Variants in DLEU7 observed in about 807,000 individuals in gnomAD.
The protein encoded by DLEU7 is leukemia-associated protein 7.
DLEU7 carries 17 observed loss-of-function variants against 16.0 expected under a neutral mutation model. That is an observed-to-expected ratio of 1.06 (90% confidence interval 0.73 to 1.59). The LOEUF (loss-of-function observed/expected upper bound fraction) is 1.59, where lower values mean the gene tolerates loss of function less well. Among genes scored for constraint, DLEU7 ranks in the 40% most tolerant of loss-of-function variants. The probability of loss-of-function intolerance (pLI) is 0.00; values close to 1 mark genes in which losing one functional copy is unlikely to be tolerated. For synonymous variants in DLEU7, 113 were observed against 139.8 expected (o/e 0.81, Z 1.35); for missense variants, 308 against 314.9 (o/e 0.98, Z 0.17).
At chr13:50,717,656 T>C (rs1315494069) in intron 1 of DLEU7, among the ~76,000 whole-genome samples, 1 of 152,050 alleles carries the variant, frequency 6.6e-6, no homozygotes, top group East Asian at 1.9e-4. Context: ...CAGAACACTT[T>C]ATGAGAAGTT....
intron 1 of DLEU7, among the ~76,000 whole-genome samples, chr13:50,742,664 T>G (rs1335201367): frequency 6.6e-6 from 1 of 152,192 alleles, no homozygotes; most frequent in Non-Finnish European, 1.5e-5. Flanking sequence ...TGGGCGATCA[T>G]CTGGGTCATT....
At chr13:50,834,788 A>T (rs1351061943) in intron 1 of DLEU7, among the ~76,000 whole-genome samples, 1 of 152,192 alleles carries the variant, frequency 6.6e-6, no homozygotes, top group Non-Finnish European at 1.5e-5. Context: ...ACTTGGAACC[A>T]ACCCAAATGC....
At chr13:50,729,639 AATAC>A (rs1290056511) in intron 1 of DLEU7, among the ~76,000 whole-genome samples, 8 of 152,220 alleles carry the variant, frequency 5.3e-5, no homozygotes, top group African/African-American at 1.4e-4. Context: ...ACTAATTTAT[AATAC>A]AGTGTGTAAG....
chr13:50,791,910 T>G (rs1276307834), intron 1 of DLEU7, among the ~76,000 whole-genome samples: 2 of 152,228 alleles, frequency 1.3e-5, no homozygotes, highest in East Asian at 1.9e-4. Flanking sequence ...AACAGCATTT[T>G]TTTACACAAA....
chr13:50,811,087 C>T lies in DLEU7; in HGVS notation c.459+32101G>A, dbSNP rs578188095. On this transcript the variant is annotated intron_variant, in intron 1 of 1. Transcript: ENST00000400393. ...GCATCTGTTTGCATGTGTGTGCATG[C>T]GTGGCAGCTGGAAGCACCTACCAGG... Among the ~76,000 whole-genome samples, 13 of 152,220 alleles carry T rather than the reference C, an allele frequency of 8.5e-5. No homozygotes were observed. The East Asian group carries it at 1.9e-3, about 23-fold the overall frequency.
chr13:50,808,550 A>G (rs993930067), intron 1 of DLEU7: 35 of 152,146 alleles, frequency 2.3e-4, no homozygotes, highest in African/African-American at 7.7e-4. Context: ...TACCTGGAGC[A>G]GTATCTGACA....
At chr13:50,732,502 C>T (rs1873938949) in intron 1 of DLEU7, among the ~76,000 whole-genome samples, 1 of 147,682 alleles carries the variant, frequency 6.8e-6, no homozygotes, top group Admixed American at 7.0e-5. Flanking sequence ...GCCAGCTACT[C>T]AGGTCGAGGC....
At chr13:50,817,964 T>A (rs969229572), downstream of DLEU7, among the ~76,000 whole-genome samples, 1 of 152,088 alleles carries the variant, frequency 6.6e-6, no homozygotes, top group Non-Finnish European at 1.5e-5. Flanking sequence ...AACTAAAAGA[T>A]CACCAGTATG....
chr13:50,789,945 CTTT>C (rs750516352), intron 1 of DLEU7, among the ~76,000 whole-genome samples: 3 of 70,302 alleles, frequency 4.3e-5, no homozygotes, highest in South Asian at 4.5e-4. Flanking sequence ...TTCTTTCTTT[CTTT>C]TTTTTTTTTT....
chr13:50,795,225 TA>T lies in DLEU7; in HGVS notation c.459+47962del, dbSNP rs566925505. Among the ~76,000 whole-genome samples the T allele has an allele frequency of 1.6e-4, 24 of 152,288 alleles. No homozygotes were observed. The South Asian group carries it at 4.6e-3, about 29-fold the overall frequency. The stretch of plus-strand genomic sequence containing the variant: ...AAAAGTAGCCTCTGGTCAGGGGTCA[TA>T]TATTTTTTTCAGCCAAACAGATCCT... On this transcript the variant is annotated intron_variant, in intron 1 of 1. Transcript: ENST00000400393.
intron 1 of DLEU7, among the ~76,000 whole-genome samples, chr13:50,838,005 T>C (rs1234765391): frequency 6.6e-6 from 1 of 151,914 alleles, no homozygotes; most frequent in African/African-American, 2.4e-5. Context: ...CAGTAGAAAA[T>C]ATAAGGAGAG....
chr13:50,814,302 AT>A (rs1168001811), intron 1 of DLEU7, among the ~76,000 whole-genome samples: 1 of 152,014 alleles, frequency 6.6e-6, no homozygotes, highest in Non-Finnish European at 1.5e-5. Context: ...CGAATCATCT[AT>A]CCACCCATCC....
chr13:50,778,590 A>C (rs1389498608), intron 1 of DLEU7, among the ~76,000 whole-genome samples: 1 of 152,228 alleles, frequency 6.6e-6, no homozygotes, highest in Non-Finnish European at 1.5e-5. Flanking sequence ...TCTTTTTGTG[A>C]AGAATAATTT....
chr13:50,821,817 G>C (rs1876914602), downstream of DLEU7, among the ~76,000 whole-genome samples: 1 of 152,040 alleles, frequency 6.6e-6, no homozygotes, highest in Admixed American at 6.6e-5. Context: ...GATGGGTCTT[G>C]AAAGAAAAGT....
chr13:50,834,607 G>C (rs1275295965), intron 1 of DLEU7, among the ~76,000 whole-genome samples: 2 of 152,176 alleles, frequency 1.3e-5, no homozygotes, highest in Non-Finnish European at 2.9e-5. Context: ...GTGTAAATTA[G>C]TTCAACCATT....
At chr13:50,762,067 C>A (rs568612026) in intron 1 of DLEU7, among the ~76,000 whole-genome samples, 2 of 151,578 alleles carry the variant, frequency 1.3e-5, no homozygotes, top group Non-Finnish European at 2.9e-5. Context: ...TGGTGGGCAC[C>A]TGTAATCCCA....
At chr13:50,835,738 T>C (rs1158266263) in intron 1 of DLEU7, among the ~76,000 whole-genome samples, 1 of 152,258 alleles carries the variant, frequency 6.6e-6, no homozygotes, top group Non-Finnish European at 1.5e-5. Flanking sequence ...CGCCACACTG[T>C]GTACTTTTCT....
In DLEU7 at chr13:50,843,231, A is replaced by G. The variant is rs1877731003; in HGVS notation, c.416T>C (p.Leu139Pro). 6.3e-6 allele frequency: 10 copies of G among 1,593,822 alleles called. No individual in the cohort carries two copies. Among genetic ancestry groups the G allele is most frequent in the Non-Finnish European group, 7.7e-6 (9 of 1,170,922 alleles). ...SELVSVEQTLLGPLQQERSFP... is the reference protein window; with the variant it reads ...SELVSVEQTLPGPLQQERSFP... Reference sequence around the variant, plus strand: ...GGACCGCTCCTGCTGGAGGGGCCCCAGCAGCGTCTGCTCCACGCTGACCAG... The same window carrying G: ...GGACCGCTCCTGCTGGAGGGGCCCCGGCAGCGTCTGCTCCACGCTGACCAG... Residue 139 changes from leucine (L) to proline (P), a missense_variant, in exon 1 of 2, where the codon CTG becomes CCG. Leu to Pro is a moderately conservative substitution (Grantham distance 98). Transcript: ENST00000504404. This position sits in a 1 kb window ranked among gnomAD's most constrained non-coding sequence, Gnocchi z 5.7.
intron 1 of DLEU7, among the ~76,000 whole-genome samples, chr13:50,814,320 C>G (rs1364883689): frequency 6.6e-6 from 1 of 152,004 alleles, no homozygotes; most frequent in African/African-American, 2.4e-5. Flanking sequence ...ATCCATCCAT[C>G]CATCCATCCA....
Sources: allele counts gnomAD v4.1 joint callset (sites outside exome capture counted in the v4.1 genomes callset), GRCh38; gene constraint gnomAD v4.1.1; non-coding constraint Gnocchi (gnomAD v3.1); transcripts MANE v1.5; gene names NCBI Gene and HGNC (gene_info 2026-07-23, HGNC 2026-07-21).